The following CRISP2 variants were observed in gnomAD, a reference collection of about 807,000 sequenced individuals.
CRISP2 encodes cysteine rich secretory protein 2.
Under a neutral mutation model 31.7 loss-of-function variants are expected in CRISP2, and 29 were observed. The observed-to-expected ratio is 0.92, with a 90% CI of 0.68 to 1.25. The LOEUF is 1.25. CRISP2 is among the 50% of genes most tolerant of loss of function. CRISP2 has a pLI of 0.00. For synonymous variants in CRISP2, 111 were observed against 101.4 expected, an observed-to-expected ratio of 1.09 and a Z score of -0.57; for missense variants, 318 against 286.5, an observed-to-expected ratio of 1.11 and a Z score of -0.79.
At chr6:49,704,621 G>C (rs944278285) in intron 4 of CRISP2, among the ~76,000 whole-genome samples, 10 of 152,064 alleles carry the variant, frequency 6.6e-5, no homozygotes, top group African/African-American at 2.4e-4. Context: ...TGCTCTTCGG[G>C]GTCTAGCGAC....
intron 8 of CRISP2, among the ~76,000 whole-genome samples, chr6:49,696,763 G>T (rs1369943100): frequency 3.3e-5 from 5 of 152,060 alleles, no homozygotes; most frequent in African/African-American, 1.2e-4. Context: ...GTGGGGTAAG[G>T]ACCCAAGGAA....
intron 4 of CRISP2, among the ~76,000 whole-genome samples, chr6:49,706,162 C>T (rs1476929840): frequency 6.6e-6 from 1 of 152,166 alleles, no homozygotes; most frequent in Non-Finnish European, 1.5e-5. Flanking sequence ...GAGATATATT[C>T]ATTCACATTT....
the CRISP2 span, among the ~76,000 whole-genome samples, chr6:49,685,896 C>T: frequency 6.6e-6 from 1 of 152,020 alleles, no homozygotes; most frequent in Non-Finnish European, 1.5e-5. Flanking sequence ...ATATAATTCA[C>T]AAGCTGAAAC....
chr6:49,684,355 G>C, the CRISP2 span, among the ~76,000 whole-genome samples: 2 of 151,962 alleles, frequency 1.3e-5, no homozygotes, highest in Non-Finnish European at 2.9e-5. Context: ...TATTTTTTAG[G>C]GAATAATGAC....
At chr6:49,702,290 T>G (rs1212397025) in intron 4 of CRISP2, among the ~76,000 whole-genome samples, 1 of 149,822 alleles carries the variant, frequency 6.7e-6, no homozygotes, top group Non-Finnish European at 1.5e-5. Context: ...TGTCTTTTTT[T>G]CATATAATGA....
chr6:49,689,540 T>C (rs1315218160), downstream of CRISP2, among the ~76,000 whole-genome samples: 1 of 152,104 alleles, frequency 6.6e-6, no homozygotes, highest in Non-Finnish European at 1.5e-5. Flanking sequence ...AAAATATTAC[T>C]AAAACTAATT....
At chr6:49,697,090 G>A (rs753332554) in intron 8 of CRISP2, among the ~76,000 whole-genome samples, 1 of 152,058 alleles carries the variant, frequency 6.6e-6, no homozygotes, top group South Asian at 2.1e-4. Context: ...CTACAGTCTC[G>A]AAACAAATCC....
chr6:49,713,688 C>T (rs1327238612), upstream of CRISP2: 1 of 152,290 alleles, frequency 6.6e-6, no homozygotes, highest in East Asian at 1.9e-4. Context: ...CGGAGAAAAT[C>T]TTGCACGTTT....
At position 49,706,782 on chromosome 6, in the gene CRISP2, G is replaced by T. The variant is rs1240868179; in HGVS notation, c.66+2349C>A. Among the ~76,000 whole-genome samples the T allele has an allele frequency of 3.9e-5, 6 of 152,042 alleles. 1 individual carries two copies. In the East Asian group the frequency reaches 1.2e-3, roughly 29 times the overall value. ...AGTCTCTCAAAATACTTACACCATT[G>T]GTCTGAGCATCTTATTGCCATTATC... On this transcript the variant is annotated intron_variant, in intron 4 of 9. Coordinates refer to ENST00000339139, the MANE Select transcript of CRISP2 (RefSeq NM_003296.4).
intron 4 of CRISP2, among the ~76,000 whole-genome samples, chr6:49,708,666 C>A (rs1767477171): frequency 6.6e-6 from 1 of 152,124 alleles, no homozygotes; most frequent in Non-Finnish European, 1.5e-5. Context: ...AGATTTCTGG[C>A]CTCCATAACT....
At chr6:49,683,562 G>A in the CRISP2 span, among the ~76,000 whole-genome samples, 15,960 of 147,512 alleles carry the variant, frequency 0.11, 1,456 homozygotes, top group East Asian at 0.29. Flanking sequence ...TACTTGGGAG[G>A]CTGAGGCAGG....
At chr6:49,697,778 A>G (rs1765017272) in intron 8 of CRISP2, 82 bp downstream of exon 8, 1 of 1,603,572 alleles carries the variant, frequency 6.2e-7, no homozygotes, top group Non-Finnish European at 8.5e-7. Context: ...ATATGTTTTC[A>G]TTCTGGTTTA....
At chr6:49,700,465 A>G (rs900482725) in intron 5 of CRISP2, among the ~76,000 whole-genome samples, 1 of 152,198 alleles carries the variant, frequency 6.6e-6, no homozygotes, top group African/African-American at 2.4e-5. Flanking sequence ...TTCCAAATTT[A>G]AAAACTCTGT....
At chr6:49,679,114 G>T in the CRISP2 span, among the ~76,000 whole-genome samples, 7 of 152,106 alleles carry the variant, frequency 4.6e-5, no homozygotes, top group African/African-American at 1.7e-4. Context: ...TTCCTATAAA[G>T]GCAATTTAGA....
In CRISP2 at chr6:49,697,907, G is replaced by A. The variant is rs1157798665; in HGVS notation, c.468C>T (p.Pro156=). The change falls in exon 8 of 10, where the codon CCC becomes CCT. Residue 156 remains proline (P), a synonymous_variant. Transcript: ENST00000339139. ...YQVGCGIAYC[P]NQDSLKYYYV... ...AGTAGTATTTTAGACTATCTTGATTGGGACAGTAGGCAATTCCACAGCCTA... is the reference window on the plus strand; with the variant it reads ...AGTAGTATTTTAGACTATCTTGATTAGGACAGTAGGCAATTCCACAGCCTA... 3 of 1,610,902 alleles carry A rather than the reference G, an allele frequency of 1.9e-6. No individual in the cohort carries two copies. Among genetic ancestry groups the A allele is most frequent in the Non-Finnish European group, 2.5e-6 (3 of 1,178,582 alleles).
chr6:49,686,076 A>G, the CRISP2 span, among the ~76,000 whole-genome samples: 1 of 152,216 alleles, frequency 6.6e-6, no homozygotes, highest in South Asian at 2.1e-4. Flanking sequence ...ATGTGAAGCC[A>G]TATATTTTTT....
chr6:49,709,312 T>A, intron 3 of CRISP2, 107 bp from the exon 4 acceptor site: 1 of 941,332 alleles, frequency 1.1e-6, no homozygotes. Context: ...GAACTGTGAT[T>A]CCCAGATTCA....
intron 4 of CRISP2, among the ~76,000 whole-genome samples, chr6:49,707,074 T>A (rs1767165392): frequency 6.6e-6 from 1 of 152,196 alleles, no homozygotes. Context: ...TATTTCCTGC[T>A]TCTTACACCT....
Position 49,700,665 on chromosome 6 carries a change from T to C in CRISP2, c.183+3A>G, listed in dbSNP as rs372559233. The C allele has an allele frequency of 1.3e-6, 2 of 1,576,490 alleles. No individual in the cohort carries two copies. The highest frequency in any genetic ancestry group is 2.7e-5 in the African/African-American group (2 of 73,894). ...CCCATCTCCTTACAGCACTGCCTCT[T>C]ACCATCTTTAGCATGTTACTGGCAG... is the stretch of plus-strand genomic sequence containing the variant. On this transcript the variant is annotated splice_donor_region_variant and intron_variant, in intron 5 of 9. Coordinates refer to ENST00000339139, the MANE Select transcript of CRISP2 (RefSeq NM_003296.4).
Sources: allele counts gnomAD v4.1 joint callset (sites outside exome capture counted in the v4.1 genomes callset), GRCh38; gene constraint gnomAD v4.1.1; transcripts MANE v1.5; gene names NCBI Gene and HGNC (gene_info 2026-07-23, HGNC 2026-07-21).